Variants in TMTC2 observed in about 807,000 individuals in gnomAD.
TMTC2 encodes the protein transmembrane O-mannosyltransferase targeting cadherins 2.
TMTC2 carries 43 observed loss-of-function variants against 82.4 expected under a neutral mutation model. The ratio of observed to expected loss-of-function variants is 0.52; its 90% confidence interval spans 0.41 to 0.67. TMTC2 has a LOEUF of 0.67. Among genes scored for constraint, TMTC2 ranks in the 30% least tolerant of loss-of-function variants. The pLI is 0.00. For missense variants in TMTC2, 919 were observed against 1,012.4 expected (o/e 0.91, Z 1.25); for synonymous variants, 408 against 381.9 (o/e 1.07, Z -0.80).
At chr12:83,018,011 T>A (rs1880751145) in intron 8 of TMTC2, among the ~76,000 whole-genome samples, 1 of 132,200 alleles carries the variant, frequency 7.6e-6, no homozygotes, top group Admixed American at 8.8e-5. Context: ...CTCATATATA[T>A]AATATATATA....
intron 2 of TMTC2, among the ~76,000 whole-genome samples, chr12:82,864,555 G>T (rs1871725150): frequency 7.1e-6 from 1 of 140,422 alleles, no homozygotes; most frequent in Non-Finnish European, 1.5e-5. Flanking sequence ...ACGCTGGAGT[G>T]CAGTGGCGCA....
chr12:82,944,345 G>A (rs913924276), intron 4 of TMTC2, among the ~76,000 whole-genome samples: 2 of 152,108 alleles, frequency 1.3e-5, no homozygotes, highest in South Asian at 2.1e-4. Flanking sequence ...AGCACTTTGG[G>A]AGGCCAAGGT....
Position 82,975,894 on chromosome 12 carries a change from T to TC in TMTC2, c.1948+8897_1948+8898insC, listed in dbSNP as rs1878646370. On this transcript the variant is annotated intron_variant, in intron 7 of 11. Coordinates refer to ENST00000321196, the MANE Select transcript of TMTC2 (RefSeq NM_152588.3). Reference sequence around the variant, plus strand: ...TTTCCTTTCTCTGGTATAAACTTTTTTTTAAAAAAAAAATAATGCTATTTA... The same window carrying TC: ...TTTCCTTTCTCTGGTATAAACTTTTTCTTTAAAAAAAAAATAATGCTATTTA... 3.3e-4 allele frequency among the ~76,000 whole-genome samples: 9 copies of TC among 27,482 alleles called. No homozygotes were observed. The South Asian group carries it at 0.061, about 185-fold the overall frequency. The allele number at this position is 27,482 out of a possible 152,430, so 18.0% of individuals were successfully genotyped here.
chr12:82,879,249 A>T (rs1352893060), intron 2 of TMTC2, among the ~76,000 whole-genome samples: 1 of 152,122 alleles, frequency 6.6e-6, no homozygotes, highest in Non-Finnish European at 1.5e-5. Context: ...TGAAGTGGGT[A>T]TTGTAGGGTT....
chr12:82,873,453 T>A (rs61271434), intron 2 of TMTC2, among the ~76,000 whole-genome samples: 10,089 of 152,120 alleles, frequency 0.066, 1,146 homozygotes, highest in African/African-American at 0.23. Context: ...TATGGGTCAG[T>A]ATGGTTGGAT....
chr12:83,027,642 G>T (rs941375742), intron 8 of TMTC2, among the ~76,000 whole-genome samples: 2 of 152,044 alleles, frequency 1.3e-5, no homozygotes, highest in African/African-American at 4.8e-5. Flanking sequence ...TTATCATTTG[G>T]CACTTGGCTA....
intron 9 of TMTC2, among the ~76,000 whole-genome samples, chr12:83,031,238 TG>T (rs1215405536): frequency 6.6e-6 from 1 of 152,202 alleles, no homozygotes; most frequent in African/African-American, 2.4e-5. Flanking sequence ...GATAACGTAT[TG>T]CTCATTGAGC....
chr12:82,925,114 G>A (rs75585760), intron 3 of TMTC2, among the ~76,000 whole-genome samples: 5 of 152,220 alleles, frequency 3.3e-5, no homozygotes, highest in South Asian at 4.1e-4. Context: ...CCTTTAGCTC[G>A]TAGAGATCAT....
chr12:82,940,608 C>G (rs955233649), intron 4 of TMTC2, among the ~76,000 whole-genome samples: 5 of 144,462 alleles, frequency 3.5e-5, no homozygotes, highest in African/African-American at 1.3e-4. Flanking sequence ...ATATGTTTTG[C>G]TTTTTTTTTT....
chr12:83,091,874 A>G (rs1032875480), intron 11 of TMTC2, among the ~76,000 whole-genome samples: 2 of 152,184 alleles, frequency 1.3e-5, no homozygotes, highest in African/African-American at 4.8e-5. Context: ...TGGAGTCCAT[A>G]TTGAGATTGT....
At chr12:82,716,504 C>T (rs1873907375) in intron 1 of TMTC2, among the ~76,000 whole-genome samples, 1 of 152,046 alleles carries the variant, frequency 6.6e-6, no homozygotes, top group South Asian at 2.1e-4. Context: ...GCTGGGACTA[C>T]AGGCGCGCGC....
chr12:83,092,313 C>T (rs1347599431), intron 11 of TMTC2, among the ~76,000 whole-genome samples: 1 of 152,170 alleles, frequency 6.6e-6, no homozygotes, highest in Non-Finnish European at 1.5e-5. Flanking sequence ...TGGCATCCTG[C>T]CCCCCTTAGA....
chr12:82,917,308 T>G (rs1226850163), intron 3 of TMTC2, among the ~76,000 whole-genome samples: 1 of 152,030 alleles, frequency 6.6e-6, no homozygotes, highest in Non-Finnish European at 1.5e-5. Flanking sequence ...TTTAACATAA[T>G]TAACATTTAT....
intron 1 of TMTC2, chr12:82,759,259 C>T (rs1376817564): frequency 6.6e-6 from 1 of 152,090 alleles, no homozygotes; most frequent in Non-Finnish European, 1.5e-5. Flanking sequence ...TTAAAACAGC[C>T]TTTTAACAAG....
chr12:82,703,619 C>T (rs1873198824), intron 1 of TMTC2, among the ~76,000 whole-genome samples: 1 of 151,934 alleles, frequency 6.6e-6, no homozygotes, highest in South Asian at 2.1e-4. Flanking sequence ...CTGCCTCAGC[C>T]TCCCGAGTAG....
At chr12:82,972,809 A>C (rs1169699781) in intron 7 of TMTC2, among the ~76,000 whole-genome samples, 1 of 152,190 alleles carries the variant, frequency 6.6e-6, no homozygotes, top group Non-Finnish European at 1.5e-5. Flanking sequence ...GAAGGAGCAT[A>C]AAGGAAGTCT....
chr12:83,064,182 A>G (rs1039028611), intron 11 of TMTC2, among the ~76,000 whole-genome samples: 9 of 151,834 alleles, frequency 5.9e-5, no homozygotes, highest in Non-Finnish European at 1.2e-4. Flanking sequence ...GCATATTACA[A>G]TGGATTCTTG....
rs767789628 is a variant in TMTC2 at position 82,857,080 on chromosome 12, T to G, written c.154T>G (p.Trp52Gly). ...PWTHIFYNDF[W>G]GTLLTHSGSH... ...GACGCACATTTTCTACAATGATTTT[T>G]GGGGGACTCTTCTAACCCACAGTGG... The change falls in exon 2 of 12, where the codon TGG (tryptophan) becomes GGG (glycine). Residue 52 changes from tryptophan to glycine, a missense_variant. Transcript: ENST00000321196. The G allele has an allele frequency of 6.2e-7, 1 of 1,613,678 alleles. No individual in the cohort carries two copies. Among genetic ancestry groups the G allele is most frequent in the African/African-American group, 1.3e-5 (1 of 74,920 alleles).
chr12:82,876,020 AGTGGTGGCGGTGGTGGTG>A (rs1565788535), intron 2 of TMTC2, among the ~76,000 whole-genome samples: 7 of 75,634 alleles, frequency 9.3e-5, no homozygotes, highest in Non-Finnish European at 7.0e-5. Flanking sequence ...TAATGGTAGT[AGTGGTGGCGGTGGTGGTG>A]GTGGTGGTGG....
Sources: allele counts gnomAD v4.1 joint callset (sites outside exome capture counted in the v4.1 genomes callset), GRCh38; gene constraint gnomAD v4.1.1; transcripts MANE v1.5; gene names NCBI Gene and HGNC (gene_info 2026-07-23, HGNC 2026-07-21).